Variants in EPM2A observed in about 807,000 individuals in gnomAD.
EPM2A encodes laforin.
A neutral mutation model predicts 26.5 loss-of-function variants in EPM2A; 21 were observed. The observed-to-expected ratio is 0.79, with a 90% confidence interval of 0.56 to 1.14. EPM2A has a LOEUF of 1.14. Among genes scored for constraint, EPM2A ranks in the 50% most tolerant of loss-of-function variants. The pLI, the probability that EPM2A is intolerant of heterozygous loss-of-function variation, is 0.00. For missense variants in EPM2A, 458 were observed against 440.8 expected (o/e 1.04, Z -0.35); for synonymous variants, 217 against 177.6 (o/e 1.22, Z -1.76).
intron 4 of EPM2A, among the ~76,000 whole-genome samples, chr6:145,466,714 T>C (rs1365007732): frequency 6.6e-6 from 1 of 152,152 alleles, no homozygotes; most frequent in Admixed American, 6.5e-5. Context: ...TGCGGCATTA[T>C]TCACAATAGC....
At chr6:145,589,330 A>C (rs541091366) in intron 2 of EPM2A, among the ~76,000 whole-genome samples, 1 of 152,300 alleles carries the variant, frequency 6.6e-6, no homozygotes, top group Non-Finnish European at 1.5e-5. Flanking sequence ...AAAAATAAAA[A>C]TGTTTCCATT....
At chr6:145,634,970 T>A in intron 3 of EPM2A, 1 of 354,196 alleles carries the variant, frequency 2.8e-6, no homozygotes. Context: ...GTTGTGCCTG[T>A]CTTTCTTTAC....
intron 4 of EPM2A, among the ~76,000 whole-genome samples, chr6:145,411,264 A>G (rs1778639089): frequency 6.6e-6 from 1 of 152,222 alleles, no homozygotes; most frequent in Admixed American, 6.5e-5. Flanking sequence ...TTCTATGATG[A>G]CAATATACAT....
chr6:145,668,095 C>T (rs910791361), intron 2 of EPM2A, among the ~76,000 whole-genome samples: 1 of 149,294 alleles, frequency 6.7e-6, no homozygotes, highest in African/African-American at 2.5e-5. Context: ...AGCGCACCAG[C>T]ATGGCACATG....
intron 3 of EPM2A, chr6:145,631,895 A>G (rs1776288373): frequency 6.9e-6 from 1 of 145,840 alleles, no homozygotes; most frequent in Admixed American, 6.8e-5. Context: ...ACACACACAC[A>G]CACACACTTT....
At chr6:145,522,534 T>C (rs1040585974) in intron 2 of EPM2A, among the ~76,000 whole-genome samples, 1 of 152,124 alleles carries the variant, frequency 6.6e-6, no homozygotes, top group African/African-American at 2.4e-5. Context: ...TTTAATCTCT[T>C]AAATCTATAT....
chr6:145,485,832 T>C (rs1290453428), intron 4 of EPM2A, among the ~76,000 whole-genome samples: 1 of 152,176 alleles, frequency 6.6e-6, no homozygotes, highest in East Asian at 1.9e-4. Context: ...AAAAGGCACG[T>C]CTCACGTGGC....
At chr6:145,709,579 C>A (rs1782425432) in intron 1 of EPM2A, among the ~76,000 whole-genome samples, 1 of 152,202 alleles carries the variant, frequency 6.6e-6, no homozygotes, top group Non-Finnish European at 1.5e-5. Context: ...AATAAAAGCT[C>A]TTTTCTTTAT....
chr6:145,708,530 G>T (rs1017256143), intron 1 of EPM2A, among the ~76,000 whole-genome samples: 3 of 152,182 alleles, frequency 2.0e-5, no homozygotes, highest in African/African-American at 7.2e-5. Flanking sequence ...GAGGGTATAA[G>T]CCCAAAGCAC....
chr6:145,435,174 T>G (rs1038707862), intron 4 of EPM2A, among the ~76,000 whole-genome samples: 3 of 152,300 alleles, frequency 2.0e-5, no homozygotes, highest in Admixed American at 2.0e-4. Context: ...ACTAAAAATT[T>G]AGACATAGTC....
intron 4 of EPM2A, among the ~76,000 whole-genome samples, chr6:145,406,024 C>A (rs1049236991): frequency 2.7e-5 from 4 of 147,026 alleles, no homozygotes; most frequent in Non-Finnish European, 6.0e-5. Flanking sequence ...AACAGACAGA[C>A]ACACACACAC....
chr6:145,689,395 C>A (rs1019165089), intron 1 of EPM2A, among the ~76,000 whole-genome samples: 1 of 152,126 alleles, frequency 6.6e-6, no homozygotes, highest in East Asian at 1.9e-4. Flanking sequence ...TAATTTAAAA[C>A]CCTGAAAATT....
chr6:145,502,123 G>GT (rs1779898770), intron 3 of EPM2A, among the ~76,000 whole-genome samples: 2 of 152,226 alleles, frequency 1.3e-5, no homozygotes, highest in Admixed American at 6.5e-5. Context: ...ACAGGTAAAG[G>GT]TAAGAGTTTG....
chr6:145,543,642 G>T (rs1259724937), intron 2 of EPM2A, among the ~76,000 whole-genome samples: 3 of 152,150 alleles, frequency 2.0e-5, no homozygotes, highest in African/African-American at 7.2e-5. Context: ...CAAAGAAGGG[G>T]TTTCTTCAGG....
chr6:145,437,030 G>T (rs1778998017), intron 4 of EPM2A, among the ~76,000 whole-genome samples: 2 of 152,030 alleles, frequency 1.3e-5, no homozygotes, highest in South Asian at 4.1e-4. Context: ...ACATTTATTT[G>T]ATATGTGATA....
intron 1 of EPM2A, among the ~76,000 whole-genome samples, chr6:145,718,719 C>T (rs1021051794): frequency 1.3e-5 from 2 of 152,160 alleles, no homozygotes; most frequent in African/African-American, 2.4e-5. Flanking sequence ...GCAACCTACT[C>T]ATCTGACAAA....
At chr6:145,473,693 A>G (rs534617104) in intron 4 of EPM2A, among the ~76,000 whole-genome samples, 1 of 152,270 alleles carries the variant, frequency 6.6e-6, no homozygotes, top group African/African-American at 2.4e-5. Flanking sequence ...TATATAATGG[A>G]GCTCCAGTAC....
intron 1 of EPM2A, among the ~76,000 whole-genome samples, chr6:145,712,859 TTC>T (rs1278342299): frequency 6.6e-6 from 1 of 152,180 alleles, no homozygotes; most frequent in Non-Finnish European, 1.5e-5. Context: ...TCTTTCTGAC[TTC>T]TTTTTGTTTC....
chr6:145,451,859 A>C (rs1454046857), intron 4 of EPM2A, among the ~76,000 whole-genome samples: 2 of 143,584 alleles, frequency 1.4e-5, no homozygotes, highest in Admixed American at 1.4e-4. Context: ...ACATATCAGC[A>C]CAGTAAAAGC....
Sources: allele counts gnomAD v4.1 joint callset (sites outside exome capture counted in the v4.1 genomes callset), GRCh38; gene constraint gnomAD v4.1.1; transcripts MANE v1.5; gene names NCBI Gene and HGNC (gene_info 2026-07-23, HGNC 2026-07-21).